Variants in GLP2R observed in about 807,000 individuals in gnomAD.
GLP2R encodes the protein glucagon like peptide 2 receptor.
GLP2R carries 59 observed loss-of-function variants against 68.2 expected under a neutral mutation model. The observed-to-expected ratio is 0.87, with a 90% CI of 0.70 to 1.07. The LOEUF is 1.07. Among genes scored for constraint, GLP2R ranks in the 50% least tolerant of loss-of-function variants. The pLI is 0.00. For missense variants in GLP2R, 548 were observed against 677.4 expected, an observed-to-expected ratio of 0.81 and a Z score of 2.12; for synonymous variants, 270 against 265.4, an observed-to-expected ratio of 1.02 and a Z score of -0.17.
At position 9,889,860 on chromosome 17, in the gene GLP2R, C is replaced by G; in HGVS notation, c.*155C>G. The G allele has an allele frequency of 1.6e-6, 1 of 627,918 alleles. No homozygotes were observed. The highest frequency in any genetic ancestry group is 2.8e-6 in the Non-Finnish European group (1 of 355,266). 38.9% of individuals were successfully genotyped at this position (627,918 alleles called of 1,614,324 possible). Reference sequence around the variant, plus strand: ...GAAAGCTATCACAAGGTTCTTCAAGCTCTGTATGAAAGAGGCTGTGTGTCA... The same window carrying G: ...GAAAGCTATCACAAGGTTCTTCAAGGTCTGTATGAAAGAGGCTGTGTGTCA... On this transcript the variant is annotated 3_prime_UTR_variant, in exon 13 of 13. Transcript: ENST00000262441.
rs796499590 is a variant in GLP2R, at chr17:9,844,910, C to T, written c.504+2294C>T. Among the ~76,000 whole-genome samples, 35 of 150,990 alleles carry T rather than the reference C, an allele frequency of 2.3e-4. 1 individual carries two copies. Among genetic ancestry groups the T allele is most frequent in the African/African-American group, 8.3e-4 (34 of 41,192 alleles). On this transcript the variant is annotated intron_variant, in intron 4 of 12. Transcript: ENST00000262441. Reference sequence around the variant, plus strand: ...TTCACCATGTTGTCCAGGCTGGTCTCGAACTCCTGACCTCAGGTGATCCAC... The same window carrying T: ...TTCACCATGTTGTCCAGGCTGGTCTTGAACTCCTGACCTCAGGTGATCCAC...
chr17:9,835,514 G>A (rs1242782024), intron 2 of GLP2R, among the ~76,000 whole-genome samples: 1 of 152,138 alleles, frequency 6.6e-6, no homozygotes, highest in Non-Finnish European at 1.5e-5. Flanking sequence ...CTCAAATGGA[G>A]AGATATGGCA....
chr17:9,852,922 A>T, intron 4 of GLP2R: 1 of 490,114 alleles, frequency 2.0e-6, no homozygotes, highest in East Asian at 4.6e-5. Context: ...TAAGAGTTTC[A>T]CATTCTTCTC....
At position 9,890,015 on chromosome 17, in the gene GLP2R, C is replaced by G. The variant is rs1489981428; in HGVS notation, c.*310C>G. The G allele has an allele frequency of 2.0e-6, 1 of 496,010 alleles. No individual in the cohort carries two copies. Among genetic ancestry groups the G allele is most frequent in the East Asian group, 5.8e-5 (1 of 17,314 alleles). 30.7% of individuals were successfully genotyped at this position (496,010 alleles called of 1,614,324 possible). ...AAGTCCCACCATGAAGAGAGGTCTC[C>G]TGTTATAGAGAAGCCAGCCAATATC... On this transcript the variant is annotated 3_prime_UTR_variant, in exon 13 of 13. Transcript: ENST00000262441.
chr17:9,833,088 C>T (rs1014239002), intron 1 of GLP2R, among the ~76,000 whole-genome samples: 1 of 151,954 alleles, frequency 6.6e-6, no homozygotes, highest in Admixed American at 6.6e-5. Flanking sequence ...TGGTGAAAAC[C>T]CATCGCTACT....
rs564314621 is a variant in GLP2R at position 9,851,281 on chromosome 17, T to G, written c.505-3214T>G. 3.3e-5 allele frequency among the ~76,000 whole-genome samples: 5 copies of G among 152,128 alleles called. No individual in the cohort carries two copies. In the South Asian group the frequency reaches 8.4e-4, roughly 25 times the overall value. Reference sequence around the variant, plus strand: ...ACAGAAATAGTCAATTTAAAGAAACTACACCACTCTGTGTGCAGAAGCACA... The same window carrying G: ...ACAGAAATAGTCAATTTAAAGAAACGACACCACTCTGTGTGCAGAAGCACA... On this transcript the variant is annotated intron_variant, in intron 4 of 12. Transcript: ENST00000262441.
At chr17:9,855,074 G>A (rs1250564423) in intron 5 of GLP2R, among the ~76,000 whole-genome samples, 2 of 152,092 alleles carry the variant, frequency 1.3e-5, no homozygotes, top group African/African-American at 4.8e-5. Context: ...TAATATTTTT[G>A]AGCCGCAGTG....
intron 9 of GLP2R, chr17:9,866,216 T>C (rs1359271006): frequency 4.1e-6 from 1 of 243,716 alleles, no homozygotes; most frequent in Admixed American, 5.1e-5. Context: ...GCCAGGTGAG[T>C]TGGCCTCTCT....
At chr17:9,873,556 CTTTTTTTTTTTTTTT>C (rs3073988) in intron 10 of GLP2R, among the ~76,000 whole-genome samples, 1 of 52,076 alleles carries the variant, frequency 1.9e-5, no homozygotes, top group Non-Finnish European at 3.4e-5. Context: ...TATGCATGGA[CTTTTTTTTTTTTTTT>C]TTTTTTTTAG....
intron 9 of GLP2R, among the ~76,000 whole-genome samples, chr17:9,865,314 T>TTG (rs3837867): frequency 0.026 from 3,024 of 118,252 alleles, 76 homozygotes; most frequent in East Asian, 0.11. Context: ...CCTTGTGATT[T>TTG]TGTGTGTGTG....
In GLP2R at chr17:9,862,506, A is replaced by G. The variant is rs971666513; in HGVS notation, c.1056+416A>G. On this transcript the variant is annotated intron_variant, in intron 9 of 12. Transcript: ENST00000262441. ...TTCTTTTAGAGGAAGAAAACACACA[A>G]TTAATATTAACCCAAAATTGTGATG... Among the ~76,000 whole-genome samples the G allele has an allele frequency of 3.3e-5, 5 of 152,296 alleles. No homozygotes were observed. The South Asian group carries it at 1.0e-3, about 32-fold the overall frequency.
chr17:9,866,095 G>A (rs1186194568), intron 9 of GLP2R: 3 of 341,926 alleles, frequency 8.8e-6, no homozygotes, highest in Non-Finnish European at 1.7e-5. Flanking sequence ...TGGAATTTAT[G>A]TGTCCCACCA....
chr17:9,851,959 A>G (rs2066895220), intron 4 of GLP2R, among the ~76,000 whole-genome samples: 1 of 152,118 alleles, frequency 6.6e-6, no homozygotes, highest in East Asian at 1.9e-4. Flanking sequence ...AAATTAGTAA[A>G]TATTTTAACT....
At chr17:9,865,849 G>A (rs750684167) in intron 9 of GLP2R, 19 of 471,078 alleles carry the variant, frequency 4.0e-5, no homozygotes, top group Non-Finnish European at 7.0e-5. Context: ...TGGACTAGAG[G>A]AAACGGGCTT....
At chr17:9,887,130 G>A (rs2152050835) in intron 11 of GLP2R, among the ~76,000 whole-genome samples, 1 of 152,178 alleles carries the variant, frequency 6.6e-6, no homozygotes, top group East Asian at 1.9e-4. Flanking sequence ...TTGTGGCGAT[G>A]GTCATCCTGG....
chr17:9,839,533 A>T (rs534401585), intron 3 of GLP2R, among the ~76,000 whole-genome samples: 1 of 151,834 alleles, frequency 6.6e-6, no homozygotes, highest in South Asian at 2.1e-4. Flanking sequence ...TCCATCCCTC[A>T]CTGCTGTGGG....
intron 1 of GLP2R, among the ~76,000 whole-genome samples, chr17:9,829,386 C>T (rs1221938932): frequency 1.3e-5 from 2 of 150,734 alleles, no homozygotes; most frequent in Non-Finnish European, 2.9e-5. Context: ...AAACTATGTG[C>T]ATTCTGTGAC....
intron 1 of GLP2R, among the ~76,000 whole-genome samples, chr17:9,831,890 C>T (rs1023286464): frequency 6.6e-6 from 1 of 152,118 alleles, no homozygotes; most frequent in Admixed American, 6.5e-5. Flanking sequence ...TGGACGACTC[C>T]TGGTTTCAGG....
chr17:9,871,248 C>T (rs1327027771), intron 10 of GLP2R, among the ~76,000 whole-genome samples: 1 of 151,728 alleles, frequency 6.6e-6, no homozygotes, highest in Non-Finnish European at 1.5e-5. Flanking sequence ...GCCTGTAGTC[C>T]CAGGCTAAGG....
Sources: allele counts gnomAD v4.1 joint callset (sites outside exome capture counted in the v4.1 genomes callset), GRCh38; gene constraint gnomAD v4.1.1; transcripts MANE v1.5; gene names NCBI Gene and HGNC (gene_info 2026-07-23, HGNC 2026-07-21).